The following AVEN variants were observed in gnomAD, a reference collection of about 807,000 sequenced individuals.
The protein encoded by AVEN is apoptosis and caspase activation inhibitor, also known as cell death regulator Aven.
Under a neutral mutation model 38.1 loss-of-function variants are expected in AVEN, and 41 were observed. That is an observed-to-expected ratio of 1.08 (90% CI 0.84 to 1.40). The LOEUF is 1.40. Ranked by LOEUF, AVEN falls within the 40% of genes most tolerant of loss-of-function variation. The probability of loss-of-function intolerance (pLI) is 0.00; values close to 1 mark genes in which losing one functional copy is unlikely to be tolerated. For missense variants in AVEN, 605 were observed against 438.8 expected (o/e 1.38, Z -3.38); for synonymous variants, 206 against 171.8 (o/e 1.20, Z -1.56).
chr15:33,875,334 C>T (rs1891173195), intron 3 of AVEN, among the ~76,000 whole-genome samples: 1 of 152,136 alleles, frequency 6.6e-6, no homozygotes, highest in Non-Finnish European at 1.5e-5. Context: ...GAATATCTGT[C>T]ATCTCTTATA....
At chr15:34,053,319 A>AATATATATATAT (rs71119922) in intron 5 of AVEN, among the ~76,000 whole-genome samples, 58 of 42,052 alleles carry the variant, frequency 1.4e-3, no homozygotes, top group Middle Eastern at 0.022. Flanking sequence ...AAAAAAAAAA[A>AATATATATATAT]ATATATATAT....
At chr15:33,957,258 T>C (rs776784527) in intron 2 of AVEN, among the ~76,000 whole-genome samples, 1 of 152,206 alleles carries the variant, frequency 6.6e-6, no homozygotes, top group African/African-American at 2.4e-5. Flanking sequence ...GTCACTGTTA[T>C]TTAGCCACAC....
intron 2 of AVEN, among the ~76,000 whole-genome samples, chr15:33,898,608 C>G (rs1269706314): frequency 2.0e-5 from 3 of 152,184 alleles, no homozygotes; most frequent in Non-Finnish European, 4.4e-5. Context: ...CCTTTTGACA[C>G]TAGTCATTGA....
chr15:33,866,883 G>C (rs1384048099), intron 5 of AVEN, among the ~76,000 whole-genome samples, 155 bp from the exon 6 acceptor site: 1 of 152,030 alleles, frequency 6.6e-6, no homozygotes, highest in Non-Finnish European at 1.5e-5. Context: ...AAATAAAGCT[G>C]GGTAGAGGAT....
At chr15:33,857,260 C>T (rs144134586), downstream of AVEN, among the ~76,000 whole-genome samples, 149,248 of 152,012 alleles carry the variant, frequency 0.98, 73,328 homozygotes, top group Middle Eastern at 1. Context: ...GCACCAGCAC[C>T]TGGTCTCCTC....
At chr15:33,900,109 T>TC (rs1351555003) in intron 2 of AVEN, among the ~76,000 whole-genome samples, 1 of 152,160 alleles carries the variant, frequency 6.6e-6, no homozygotes, top group East Asian at 1.9e-4. Flanking sequence ...ACCTTTTTTT[T>TC]CTTTCCTCTT....
chr15:34,003,238 T>C lies in AVEN; in HGVS notation c.268-29A>G, dbSNP rs748341724. 7.5e-6 allele frequency: 12 copies of C among 1,608,286 alleles called. No individual in the cohort carries two copies. The East Asian group carries it at 2.2e-4, about 30-fold the overall frequency. ...CAATCATTAGAGACAAATCAATAAG[T>C]AAGCAGTGGAAATCCTGACCTTAGT... On this transcript the variant is annotated intron_variant, in intron 1 of 5. Coordinates refer to ENST00000306730, the MANE Select transcript of AVEN (RefSeq NM_020371.3).
At chr15:33,997,022 T>C (rs1896964056) in intron 2 of AVEN, among the ~76,000 whole-genome samples, 3 of 152,180 alleles carry the variant, frequency 2.0e-5, no homozygotes, top group South Asian at 2.1e-4. Flanking sequence ...AATTACCCGA[T>C]GGGGCTGAAA....
chr15:33,948,791 G>A (rs1305132589), intron 2 of AVEN, among the ~76,000 whole-genome samples: 2 of 152,144 alleles, frequency 1.3e-5, no homozygotes, highest in Non-Finnish European at 2.9e-5. Context: ...TCCTGTCTCA[G>A]CCTCCCAAGT....
At chr15:33,999,587 G>A (rs928085853) in intron 2 of AVEN, among the ~76,000 whole-genome samples, 4 of 152,060 alleles carry the variant, frequency 2.6e-5, no homozygotes, top group Admixed American at 6.6e-5. Context: ...TCATCCTTAC[G>A]TATCTTTTTC....
intron 2 of AVEN, among the ~76,000 whole-genome samples, chr15:33,998,421 G>A (rs993731016): frequency 6.6e-6 from 1 of 152,078 alleles, no homozygotes; most frequent in Non-Finnish European, 1.5e-5. Context: ...CCAGGAATTC[G>A]AGACCAGCCT....
At chr15:33,875,810 A>C in intron 3 of AVEN, 115 bp downstream of exon 3, 2 of 985,766 alleles carry the variant, frequency 2.0e-6, no homozygotes, top group South Asian at 1.7e-5. Flanking sequence ...CTGAGGGTAC[A>C]CTGTAAGAAT....
intron 2 of AVEN, among the ~76,000 whole-genome samples, chr15:33,984,160 C>T (rs1896317024): frequency 2.6e-5 from 4 of 151,896 alleles, no homozygotes; most frequent in Admixed American, 2.6e-4. Context: ...ATGTTAATTT[C>T]TTAGTTTTGA....
chr15:34,007,159 A>G (rs1186422885), intron 1 of AVEN: 2 of 473,188 alleles, frequency 4.2e-6, no homozygotes, highest in East Asian at 1.5e-4. Context: ...ATCTTGTCCA[A>G]TGACACACAC....
chr15:34,009,100 C>T (rs1026178332), intron 1 of AVEN, among the ~76,000 whole-genome samples: 4 of 151,958 alleles, frequency 2.6e-5, no homozygotes, highest in Non-Finnish European at 5.9e-5. Context: ...AATAATATAA[C>T]ATATTCAAAG....
At chr15:33,870,711 C>A (rs912084739) in intron 4 of AVEN, among the ~76,000 whole-genome samples, 1 of 152,220 alleles carries the variant, frequency 6.6e-6, no homozygotes, top group African/African-American at 2.4e-5. Context: ...CACTCAATTC[C>A]ACTACATTTG....
Position 33,867,579 on chromosome 15 carries a change from T to C in AVEN, c.889A>G (p.Lys297Glu). The change falls in exon 5 of 6, where the codon AAA (lysine) becomes GAA (glutamate). Residue 297 changes from lysine to glutamate, a missense_variant. By Grantham distance (56) the Lys-to-Glu change is moderately conservative. Transcript: ENST00000306730. The part of the protein sequence containing the change: ...DLLLNLDAPI[K>E]EGDNILPDQT... ...TCTGGTAAGATGTTATCTCCCTCTT[T>C]TATAGGTGCATCTAAATTAAGCAAC... 1 of 1,614,220 alleles carries C rather than the reference T, an allele frequency of 6.2e-7. No individual in the cohort carries two copies. The highest frequency in any genetic ancestry group is 2.2e-5 in the East Asian group (1 of 44,892).
intron 2 of AVEN, among the ~76,000 whole-genome samples, chr15:33,887,928 G>A (rs1040511452): frequency 6.6e-6 from 1 of 152,096 alleles, no homozygotes; most frequent in Non-Finnish European, 1.5e-5. Context: ...TCCAATGCCT[G>A]GAGTTGAAAG....
At chr15:33,855,569 A>G (rs138618661), downstream of AVEN, among the ~76,000 whole-genome samples, 35 of 151,870 alleles carry the variant, frequency 2.3e-4, no homozygotes, top group East Asian at 6.8e-3. Context: ...GTTAGCAAGT[A>G]GACATACTGT....
Sources: gnomAD v4.1 joint callset for allele counts (sites outside exome capture counted in the v4.1 genomes callset) on GRCh38, gnomAD v4.1.1 for gene constraint, MANE v1.5 for transcripts, NCBI Gene and HGNC (gene_info 2026-07-23, HGNC 2026-07-21) for gene names.